KIF13A: variants seen among roughly 807,000 people sequenced by gnomAD.
KIF13A encodes kinesin family member 13A.
Under a neutral mutation model 212.2 loss-of-function variants are expected in KIF13A, and 79 were observed. That is an observed-to-expected ratio of 0.37 (90% CI 0.31 to 0.45). The LOEUF is 0.45. Ranked by LOEUF, KIF13A falls within the 20% of genes least tolerant of loss-of-function variation. The pLI is 1.00. For synonymous variants in KIF13A, 789 were observed against 808.6 expected, an observed-to-expected ratio of 0.98 and a Z score of 0.41; for missense variants, 1,901 against 2,209.0, an observed-to-expected ratio of 0.86 and a Z score of 2.79.
At chr6:17,957,417 C>A (rs1050347323) in intron 2 of KIF13A, among the ~76,000 whole-genome samples, 26 of 152,156 alleles carry the variant, frequency 1.7e-4, no homozygotes, top group Non-Finnish European at 3.2e-4. Context: ...TGTATCTCTT[C>A]ATCTGGCTGT....
intron 4 of KIF13A, among the ~76,000 whole-genome samples, chr6:17,859,641 T>TTA (rs1768535131): frequency 1.1e-5 from 1 of 89,600 alleles, no homozygotes; most frequent in African/African-American, 5.2e-5. Flanking sequence ...TATATATATT[T>TTA]TTTTTTTTTT....
At chr6:17,831,257 A>G in intron 12 of KIF13A, 22 bp from the exon 13 acceptor site, 1 of 1,599,260 alleles carries the variant, frequency 6.3e-7, no homozygotes, top group Non-Finnish European at 8.5e-7. Flanking sequence ...AACAGACAAA[A>G]GAAGGAAACT....
At chr6:17,905,562 T>C (rs1023674120) in intron 2 of KIF13A, among the ~76,000 whole-genome samples, 9 of 152,340 alleles carry the variant, frequency 5.9e-5, no homozygotes, top group South Asian at 2.1e-4. Flanking sequence ...TGATTTTTTA[T>C]ACATATATCA....
rs781660860 is a variant in KIF13A, at chr6:17,808,750, C to G, written c.2163+18G>C. On this transcript the variant is annotated intron_variant, in intron 18 of 38. Transcript: ENST00000259711. ...TACTATTGTGCATCTTGCCCTCTCA[C>G]TTGAAGGACATTCTTACCTTCCTAT... is the stretch of plus-strand genomic sequence containing the variant. 1.5e-5 allele frequency: 24 copies of G among 1,605,546 alleles called. No individual in the cohort carries two copies. Among genetic ancestry groups the G allele is most frequent in the Non-Finnish European group, 2.0e-5 (24 of 1,176,068 alleles).
At chr6:17,835,388 C>T (rs961948263) in intron 11 of KIF13A, among the ~76,000 whole-genome samples, 3 of 152,020 alleles carry the variant, frequency 2.0e-5, no homozygotes, top group African/African-American at 7.3e-5. Context: ...AAACACATTG[C>T]AGAACCATTA....
rs1184195943 is a variant in KIF13A at position 17,961,401 on chromosome 6, C to T, written c.146+25653G>A. On this transcript the variant is annotated intron_variant, in intron 2 of 38. Transcript: ENST00000259711. This position sits in a 1 kb window ranked among gnomAD's most constrained non-coding sequence, Gnocchi z 4.1. ...TCCCAGCATGAAAGGGACCTAAAAC[C>T]ACCCCAAAATTGGCCCAACAAGCAC... 6.6e-6 allele frequency among the ~76,000 whole-genome samples: 1 copy of T among 152,148 alleles called. No homozygotes were observed. The highest frequency in any genetic ancestry group is 1.9e-4 in the East Asian group (1 of 5,196).
chr6:17,896,593 C>A (rs1427934072), intron 3 of KIF13A, among the ~76,000 whole-genome samples: 1 of 152,114 alleles, frequency 6.6e-6, no homozygotes, highest in African/African-American at 2.4e-5. Context: ...CATTGTTTAA[C>A]ATTGTGATTC....
chr6:17,850,607 T>C lies in KIF13A; in HGVS notation c.583-150A>G, dbSNP rs1276201922. On this transcript the variant is annotated intron_variant, in intron 7 of 38. Transcript: ENST00000259711. This position sits in a 1 kb window ranked among gnomAD's most constrained non-coding sequence, Gnocchi z 6.2. ...CCTGCCGCTCCTCCATTGAGCATGGTTTGAGCTTCCACCTCACTCAAGACT... is the reference window on the plus strand; with the variant it reads ...CCTGCCGCTCCTCCATTGAGCATGGCTTGAGCTTCCACCTCACTCAAGACT... The C allele has an allele frequency of 2.9e-6, 2 of 701,262 alleles. No homozygotes were observed. Among genetic ancestry groups the C allele is most frequent in the African/African-American group, 1.8e-5 (1 of 55,538 alleles). 43.4% of individuals were successfully genotyped at this position (701,262 alleles called of 1,614,324 possible). A position where few individuals can be genotyped will look rare whatever the true frequency, so the allele number is the denominator to read the frequency against.
chr6:17,921,498 T>C (rs533342069), intron 2 of KIF13A, among the ~76,000 whole-genome samples: 100 of 152,246 alleles, frequency 6.6e-4, no homozygotes, highest in Admixed American at 5.0e-3. Flanking sequence ...AGTACAATCT[T>C]TCCAGAAAGT....
chr6:17,847,702 A>G (rs923772600), intron 9 of KIF13A, among the ~76,000 whole-genome samples: 1 of 152,230 alleles, frequency 6.6e-6, no homozygotes, highest in Non-Finnish European at 1.5e-5. Context: ...ATTATAAAAA[A>G]CAACAGCTAT....
chr6:17,782,633 TCAAAACAAAA>T lies in KIF13A; in HGVS notation c.3544+1003_3544+1012del, dbSNP rs11271505. Among the ~76,000 whole-genome samples, 543 of 150,000 alleles carry T rather than the reference TCAAAACAAAA, an allele frequency of 3.6e-3. 3 individuals carry two copies. Among genetic ancestry groups the T allele is most frequent in the African/African-American group, 0.011 (451 of 40,760 alleles). On this transcript the variant is annotated intron_variant, in intron 29 of 38. Transcript: ENST00000259711. ...CTGGGTGACAGAGTGAGACTCTGTCTCAAAACAAAACAAAACAAAACAAAACAAAACAAAT... is the reference window on the plus strand; with the variant it reads ...CTGGGTGACAGAGTGAGACTCTGTCTCAAAACAAAACAAAACAAAACAAAT...
rs962565622 is a variant in KIF13A at position 17,947,867 on chromosome 6, A to G, written c.146+39187T>C. On this transcript the variant is annotated intron_variant, in intron 2 of 38. Coordinates refer to ENST00000259711, the MANE Select transcript of KIF13A (RefSeq NM_022113.6). This position sits in a 1 kb window ranked among gnomAD's most constrained non-coding sequence, Gnocchi z 4.6. ...AAAAAAAAAAGAAAGCACACCAAGT[A>G]TTAAGGGCTAAAGGGCTGTATGATG... 6.6e-6 allele frequency among the ~76,000 whole-genome samples: 1 copy of G among 152,198 alleles called. No homozygotes were observed. Among genetic ancestry groups the G allele is most frequent in the African/African-American group, 2.4e-5 (1 of 41,464 alleles).
At chr6:17,881,770 C>A (rs931021777) in intron 3 of KIF13A, 2 of 331,570 alleles carry the variant, frequency 6.0e-6, no homozygotes, top group East Asian at 7.7e-5. Flanking sequence ...TGGAGGCAGG[C>A]GGATTACTTG....
chr6:17,856,200 T>A lies in KIF13A; in HGVS notation c.221-78A>T. The A allele has an allele frequency of 1.0e-6, 1 of 995,964 alleles. No individual in the cohort carries two copies. Among genetic ancestry groups the A allele is most frequent in the Non-Finnish European group, 1.5e-6 (1 of 651,666 alleles). The allele number at this position is 995,964 out of a possible 1,614,324, so 61.7% of individuals were successfully genotyped here. On this transcript the variant is annotated intron_variant, in intron 4 of 38. Transcript: ENST00000259711. This position sits in a 1 kb window ranked among gnomAD's most constrained non-coding sequence, Gnocchi z 4.5. Reference sequence around the variant, plus strand: ...CATATTTGTGTTAGTAACAATATTATGTCAATTCAAAAAAATGTTAAAAGT... The same window carrying A: ...CATATTTGTGTTAGTAACAATATTAAGTCAATTCAAAAAAATGTTAAAAGT...
At position 17,802,923 on chromosome 6, in the gene KIF13A, G is replaced by GTT. The variant is rs57190220; in HGVS notation, c.2454+1436_2454+1437dup. 5.1e-3 allele frequency among the ~76,000 whole-genome samples: 697 copies of GTT among 135,576 alleles called. 9 individuals carry two copies. The highest frequency in any genetic ancestry group is 0.017 in the African/African-American group (650 of 38,132). 88.9% of individuals were successfully genotyped at this position (135,576 alleles called of 152,430 possible). A position where few individuals can be genotyped will look rare whatever the true frequency, so the allele number is the denominator to read the frequency against. On this transcript the variant is annotated intron_variant, in intron 20 of 38. Coordinates refer to ENST00000259711, the MANE Select transcript of KIF13A (RefSeq NM_022113.6). ...CACCATGCCTGGTTAATTTTTTTGT[G>GTT]TTTTTTTTGTTTTTTTTTGTTTTGT...
chr6:17,977,007 CAGG>C (rs1780594286), intron 2 of KIF13A, among the ~76,000 whole-genome samples: 1 of 150,132 alleles, frequency 6.7e-6, no homozygotes, highest in African/African-American at 2.5e-5. Flanking sequence ...GAGGCTGAGG[CAGG>C]AGAATGGCGT....
In KIF13A at chr6:17,942,163, G is replaced by A. The variant is rs181192311; in HGVS notation, c.147-43983C>T. Reference sequence around the variant, plus strand: ...AAAAAAACACAAAAATTAGCCAGGCGTGGTGGCATACACCTATAGTCCCAG... The same window carrying A: ...AAAAAAACACAAAAATTAGCCAGGCATGGTGGCATACACCTATAGTCCCAG... On this transcript the variant is annotated intron_variant, in intron 2 of 38. Coordinates refer to ENST00000259711, the MANE Select transcript of KIF13A (RefSeq NM_022113.6). Among the ~76,000 whole-genome samples, 633 of 151,916 alleles carry A rather than the reference G, an allele frequency of 4.2e-3. 2 individuals carry two copies. The highest frequency in any genetic ancestry group is 6.7e-3 in the Non-Finnish European group (452 of 67,962).
intron 25 of KIF13A, among the ~76,000 whole-genome samples, chr6:17,793,817 G>A (rs1351102872): frequency 3.3e-5 from 5 of 151,960 alleles, no homozygotes; most frequent in African/African-American, 1.2e-4. Context: ...CAGAAGCTAA[G>A]GTGGGAGGAC....
chr6:17,782,851 C>A (rs1420751394), intron 29 of KIF13A, among the ~76,000 whole-genome samples: 1 of 152,108 alleles, frequency 6.6e-6, no homozygotes, highest in South Asian at 2.1e-4. Flanking sequence ...ATATGGGGTT[C>A]GCCCCTCACA....
Sources: allele counts gnomAD v4.1 joint callset (sites outside exome capture counted in the v4.1 genomes callset), GRCh38; gene constraint gnomAD v4.1.1; non-coding constraint Gnocchi (gnomAD v3.1); transcripts MANE v1.5; gene names NCBI Gene and HGNC (gene_info 2026-07-23, HGNC 2026-07-21).